Variants in AFG2A observed in about 807,000 individuals in gnomAD.
AFG2A encodes AAA ATPase AFG2A, also known as ATPase family gene 2 protein homolog A.
chr4:123,149,341 A>T, the AFG2A span, among the ~76,000 whole-genome samples: 20 of 152,216 alleles, frequency 1.3e-4, no homozygotes, highest in Non-Finnish European at 2.6e-4. Flanking sequence ...TACAGGAAAG[A>T]TACTGTGGAA....
the AFG2A span, among the ~76,000 whole-genome samples, chr4:123,311,592 A>T: frequency 7.3e-6 from 1 of 137,278 alleles, no homozygotes; most frequent in Non-Finnish European, 1.5e-5. Flanking sequence ...ACGCCACTGC[A>T]CTCCAGCCTG....
chr4:122,988,685 G>A, the AFG2A span, among the ~76,000 whole-genome samples: 4 of 152,152 alleles, frequency 2.6e-5, no homozygotes, highest in East Asian at 1.9e-4. Flanking sequence ...CTGAGCCACC[G>A]TGCCCAGCCC....
chr4:123,003,705 G>T, the AFG2A span, among the ~76,000 whole-genome samples: 1 of 152,078 alleles, frequency 6.6e-6, no homozygotes, highest in Non-Finnish European at 1.5e-5. Context: ...TGAGGTGTCA[G>T]TCTGCCCCTA....
chr4:123,057,864 T>G, the AFG2A span, among the ~76,000 whole-genome samples: 1 of 152,278 alleles, frequency 6.6e-6, no homozygotes, highest in East Asian at 1.9e-4. Flanking sequence ...TTTTTTCCTC[T>G]ACAAATGTAT....
the AFG2A span, among the ~76,000 whole-genome samples, chr4:123,255,634 A>G: frequency 0.2 from 30,378 of 151,492 alleles, 3,606 homozygotes; most frequent in African/African-American, 0.32. Context: ...AATTATTTGC[A>G]CATTTTTGAA....
chr4:123,314,477 G>A, the AFG2A span: 2 of 152,824 alleles, frequency 1.3e-5, no homozygotes, highest in Admixed American at 6.5e-5. Context: ...ATATAAAAAA[G>A]TGTATGTGGA....
the AFG2A span, among the ~76,000 whole-genome samples, chr4:123,052,932 T>A: frequency 6.7e-6 from 1 of 149,698 alleles, no homozygotes; most frequent in East Asian, 2.0e-4. Flanking sequence ...GGTCTGAGAG[T>A]CCAAAGGGTG....
chr4:123,203,898 A>G, the AFG2A span, among the ~76,000 whole-genome samples: 1 of 152,358 alleles, frequency 6.6e-6, no homozygotes, highest in Admixed American at 6.5e-5. Context: ...TCGGGCTAAA[A>G]TCAAAGTGTT....
the AFG2A span, among the ~76,000 whole-genome samples, chr4:123,288,786 T>A: frequency 2.0e-5 from 3 of 152,184 alleles, no homozygotes; most frequent in African/African-American, 7.2e-5. Context: ...ACCTCATTCC[T>A]GCTGATTCTA....
the AFG2A span, among the ~76,000 whole-genome samples, chr4:123,305,837 G>A: frequency 6.6e-6 from 1 of 152,182 alleles, no homozygotes; most frequent in Non-Finnish European, 1.5e-5. Context: ...CGTAGGCAAT[G>A]TATAAGAGGT....
chr4:123,268,789 A>G, the AFG2A span, among the ~76,000 whole-genome samples: 36 of 152,342 alleles, frequency 2.4e-4, no homozygotes, highest in East Asian at 6.7e-3. Flanking sequence ...AAAACAAGGA[A>G]AAAACATGGG....
the AFG2A span, among the ~76,000 whole-genome samples, chr4:123,063,528 C>T: frequency 2.6e-5 from 4 of 152,200 alleles, no homozygotes; most frequent in South Asian, 4.1e-4. Context: ...GGGCGGATCA[C>T]GAGGTCAGGA....
chr4:122,924,497 T>TA, the AFG2A span, among the ~76,000 whole-genome samples: 3 of 152,346 alleles, frequency 2.0e-5, no homozygotes, highest in South Asian at 6.2e-4. Flanking sequence ...CTTAACTTCT[T>TA]ATGTGTTGTC....
chr4:123,209,760 G>C, the AFG2A span, among the ~76,000 whole-genome samples: 1 of 151,882 alleles, frequency 6.6e-6, no homozygotes, highest in Non-Finnish European at 1.5e-5. Flanking sequence ...CTATCAACAG[G>C]AACTTAGAAG....
chr4:122,957,501 T>C, the AFG2A span, among the ~76,000 whole-genome samples: 1 of 152,204 alleles, frequency 6.6e-6, no homozygotes, highest in Admixed American at 6.5e-5. Flanking sequence ...ATCCCACTTA[T>C]CGAACATAAC....
the AFG2A span, among the ~76,000 whole-genome samples, chr4:123,130,359 C>CCAA: frequency 6.6e-6 from 1 of 152,124 alleles, no homozygotes; most frequent in African/African-American, 2.4e-5. Context: ...TGGGTAACCA[C>CCAA]CAACACAATC....
At chr4:122,974,216 A>T in the AFG2A span, among the ~76,000 whole-genome samples, 1 of 152,070 alleles carries the variant, frequency 6.6e-6, no homozygotes, top group Non-Finnish European at 1.5e-5. Flanking sequence ...CCCCTTCCTT[A>T]AATGAAAATA....
the AFG2A span, among the ~76,000 whole-genome samples, chr4:123,000,427 T>A: frequency 6.6e-6 from 1 of 152,046 alleles, no homozygotes; most frequent in African/African-American, 2.4e-5. Context: ...TTCAGTATGA[T>A]ACTGGCTGTG....
the AFG2A span, among the ~76,000 whole-genome samples, chr4:123,113,420 C>T: frequency 8.6e-5 from 13 of 152,038 alleles, no homozygotes; most frequent in African/African-American, 1.9e-4. Context: ...CTTACCCAGA[C>T]GATCTCTACA....
Sources: allele counts gnomAD v4.1 joint callset (sites outside exome capture counted in the v4.1 genomes callset), GRCh38; gene constraint gnomAD v4.1.1; transcripts MANE v1.5; gene names NCBI Gene and HGNC (gene_info 2026-07-23, HGNC 2026-07-21).